HEPH: variants seen among roughly 807,000 people sequenced by gnomAD.
HEPH encodes hephaestin.
In HEPH, 69 loss-of-function variants were observed where a neutral mutation model predicts 80.8. The observed-to-expected ratio is 0.85, with a 90% CI of 0.70 to 1.04. HEPH has a LOEUF of 1.04. Ranked by LOEUF, HEPH falls within the 50% of genes least tolerant of loss-of-function variation. The pLI, the probability that HEPH is intolerant of heterozygous loss-of-function variation, is 0.00. For synonymous variants in HEPH, 431 were observed against 322.8 expected (o/e 1.34, Z -3.60); for missense variants, 1,115 against 891.3 (o/e 1.25, Z -3.20).
At chrX:66,253,955 G>A (rs755519031) in intron 15 of HEPH, among the ~76,000 whole-genome samples, 15 of 111,333 alleles carry the variant, frequency 1.3e-4, no homozygotes, top group Admixed American at 1.9e-4. Context: ...TGGATGGGTG[G>A]ATTAGGGGAT....
intron 4 of HEPH, among the ~76,000 whole-genome samples, chrX:66,175,746 A>AGTATGTATGTAT (rs746745782): frequency 9.2e-5 from 10 of 108,617 alleles, no homozygotes; most frequent in African/African-American, 2.1e-4. Context: ...TATATTCCTA[A>AGTATGTATGTAT]GTATGTATGT....
At chrX:66,238,356 T>C (rs1037956369) in intron 15 of HEPH, among the ~76,000 whole-genome samples, 2 of 111,645 alleles carry the variant, frequency 1.8e-5, no homozygotes, top group Non-Finnish European at 3.8e-5. Context: ...AAGGATCTTA[T>C]TTTTCCTTTG....
intron 15 of HEPH, 121 bp from the exon 16 acceptor site, chrX:66,254,914 G>A (rs2091123498): frequency 2.5e-6 from 1 of 393,761 alleles, no homozygotes; most frequent in Non-Finnish European, 4.4e-6. Flanking sequence ...AATGATGGAG[G>A]AATGATGAAG....
At chrX:66,172,011 G>A (rs1349220665) in intron 2 of HEPH, among the ~76,000 whole-genome samples, 1 of 112,110 alleles carries the variant, frequency 8.9e-6, no homozygotes, top group Non-Finnish European at 1.9e-5. Context: ...CCTCCCATAT[G>A]TATCAGAATG....
In HEPH at chrX:66,256,268, C is replaced by T; in HGVS notation, c.2834C>T (p.Ser945Phe). The change falls in exon 17 of 21, where the codon TCC (serine) becomes TTC (phenylalanine). Residue 945 changes from serine (S) to phenylalanine (F), a missense_variant. Around this residue, in one of 3 missense-constraint regions of HEPH, gnomAD observed 716 missense variants for 523.5 expected, o/e 1.37. Transcript: ENST00000343002. The stretch of plus-strand genomic sequence containing the variant: ...GAGGAAAATGTGGCAACCCATGGGT[C>T]CCAGGATCCAGGCAGTATTAACCTA... Reference protein sequence around the residue: ...YLEENVATHGSQDPGSINLQD... With the variant: ...YLEENVATHGFQDPGSINLQD... 1 of 1,210,734 alleles carries T rather than the reference C, an allele frequency of 8.3e-7. No homozygotes were observed. Among genetic ancestry groups the T allele is most frequent in the Non-Finnish European group, 1.1e-6 (1 of 894,831 alleles).
intron 1 of HEPH, among the ~76,000 whole-genome samples, chrX:66,168,085 G>A (rs983804293): frequency 1.8e-5 from 2 of 112,076 alleles, no homozygotes; most frequent in African/African-American, 6.5e-5. Context: ...AGTTCATGAG[G>A]CAGGTCATGA....
At chrX:66,197,541 TCTC>T (rs2088169228) in intron 9 of HEPH, 139 bp from the exon 10 acceptor site, 2 of 474,971 alleles carry the variant, frequency 4.2e-6, no homozygotes, top group Admixed American at 3.4e-5. Flanking sequence ...TGACCAGAGT[TCTC>T]CTCATTATTC....
chrX:66,253,811 CAT>C (rs1289668377), intron 15 of HEPH, among the ~76,000 whole-genome samples: 1 of 111,506 alleles, frequency 9.0e-6, no homozygotes, highest in Non-Finnish European at 1.9e-5. Flanking sequence ...ACAATGAAAA[CAT>C]ATTAAATAAA....
intron 12 of HEPH, among the ~76,000 whole-genome samples, chrX:66,201,957 C>T (rs1289841358): frequency 1.8e-5 from 2 of 112,128 alleles, no homozygotes; most frequent in East Asian, 5.6e-4. Flanking sequence ...TGAGTAGACC[C>T]TTTCTTTCAA....
At chrX:66,259,111 G>T (rs996138510) in intron 18 of HEPH, 132 bp downstream of exon 18, 1 of 692,017 alleles carries the variant, frequency 1.4e-6, no homozygotes, top group Non-Finnish European at 2.0e-6. Context: ...ATGGAGCACT[G>T]AGCTGGAAAT....
At chrX:66,179,573 C>T (rs1335844300) in intron 4 of HEPH, among the ~76,000 whole-genome samples, 1 of 111,127 alleles carries the variant, frequency 9.0e-6, no homozygotes, top group Non-Finnish European at 1.9e-5. Flanking sequence ...ATCTGTTAAG[C>T]CTATTTGTTC....
At chrX:66,256,540 G>A (rs1290605944) in intron 17 of HEPH, among the ~76,000 whole-genome samples, 1 of 111,785 alleles carries the variant, frequency 8.9e-6, no homozygotes, top group Non-Finnish European at 1.9e-5. Context: ...TAGATTGGGT[G>A]CCCAGAAAGC....
At chrX:66,168,553 C>T (rs2086466084) in intron 1 of HEPH, among the ~76,000 whole-genome samples, 1 of 111,828 alleles carries the variant, frequency 8.9e-6, no homozygotes, top group Admixed American at 9.5e-5. Flanking sequence ...CAAGAGCTTT[C>T]TGCCAAATAT....
Position 66,233,053 on chromosome X carries a change from CA to C in HEPH, c.2564-21976del, listed in dbSNP as rs1556013030. Among the ~76,000 whole-genome samples, 918 of 110,776 alleles carry C rather than the reference CA, an allele frequency of 8.3e-3. 12 individuals carry two copies. Among genetic ancestry groups the C allele is most frequent in the African/African-American group, 0.028 (842 of 30,505 alleles). ...TACAGAAGCATGATTATGATCTAAG[CA>C]AAAAATGGGCTTACTTAAGTAAAAA... is the stretch of plus-strand genomic sequence containing the variant. On this transcript the variant is annotated intron_variant, in intron 15 of 20. Transcript: ENST00000343002.
chrX:66,215,765 C>G (rs889476836), intron 15 of HEPH, among the ~76,000 whole-genome samples: 1 of 110,955 alleles, frequency 9.0e-6, no homozygotes, highest in Non-Finnish European at 1.9e-5. Flanking sequence ...GGTGCATTGC[C>G]GCTGCAAGCT....
At chrX:66,265,509 A>C (rs1303516745) in intron 20 of HEPH, among the ~76,000 whole-genome samples, 1 of 111,357 alleles carries the variant, frequency 9.0e-6, no homozygotes, top group African/African-American at 3.3e-5. Flanking sequence ...ACTGAGGTTT[A>C]GATGGGAAGT....
At position 66,266,884 on chromosome X, in the gene HEPH, ACCTGGCACT is replaced by A; in HGVS notation, c.*213_*221del. The A allele has an allele frequency of 5.0e-6, 2 of 401,694 alleles. No homozygotes were observed. Among genetic ancestry groups the A allele is most frequent in the South Asian group, 9.4e-5 (2 of 21,242 alleles). The allele number at this position is 401,694 out of a possible 1,213,427, so 33.1% of individuals were successfully genotyped here. On this transcript the variant is annotated 3_prime_UTR_variant, in exon 21 of 21. Transcript: ENST00000343002. ...TTTAGTTTCTTTGCTCTACGTGGGC[ACCTGGCACT>A]AAGGGAGTACCTTATTATCCTACAT... is the stretch of plus-strand genomic sequence containing the variant.
At chrX:66,188,305 T>G in intron 4 of HEPH, 54 bp from the exon 5 acceptor site, 1 of 961,629 alleles carries the variant, frequency 1.0e-6, no homozygotes, top group Non-Finnish European at 1.4e-6. Context: ...CCCTTTCAGC[T>G]TACTATTGCT....
intron 15 of HEPH, among the ~76,000 whole-genome samples, chrX:66,216,808 G>T (rs768128874): frequency 7.2e-5 from 8 of 111,436 alleles, no homozygotes; most frequent in African/African-American, 1.6e-4. Context: ...ACAACTTAAA[G>T]AAATTAAAAA....
Sources: allele counts gnomAD v4.1 joint callset (sites outside exome capture counted in the v4.1 genomes callset), GRCh38; gene constraint gnomAD v4.1.1; regional missense constraint gnomAD v4.1.1; transcripts MANE v1.5; gene names NCBI Gene and HGNC (gene_info 2026-07-23, HGNC 2026-07-21).